Variants in TPD52L2 observed in about 807,000 individuals in gnomAD.
TPD52L2 encodes TPD52 like 2.
TPD52L2 carries 19 observed loss-of-function variants against 24.7 expected under a neutral mutation model. That is an observed-to-expected ratio of 0.77 (90% confidence interval 0.54 to 1.13). The LOEUF is 1.13. Among genes scored for constraint, TPD52L2 ranks in the 50% most tolerant of loss-of-function variants. The pLI is 0.00. For missense variants in TPD52L2, 236 were observed against 250.4 expected, an observed-to-expected ratio of 0.94 and a Z score of 0.39; for synonymous variants, 104 against 100.2, an observed-to-expected ratio of 1.04 and a Z score of -0.23.
chr20:63,876,450 G>A (rs1030329185), intron 4 of TPD52L2, among the ~76,000 whole-genome samples: 1 of 151,912 alleles, frequency 6.6e-6, no homozygotes, highest in Non-Finnish European at 1.5e-5. Context: ...TTGTATGTGT[G>A]TGTCAGTGGT....
In TPD52L2 at chr20:63,889,232, C is replaced by T. The variant is rs769512777; in HGVS notation, c.519C>T (p.Thr173=). 11 of 1,612,628 alleles carry T rather than the reference C, an allele frequency of 6.8e-6. No individual in the cohort carries two copies. Among genetic ancestry groups the T allele is most frequent in the Non-Finnish European group, 9.3e-6 (11 of 1,179,312 alleles). ...TFKSFEDRVG[T]IKSKVVGDRE... Reference sequence around the variant, plus strand: ...AGTCGTTTGAGGACCGAGTTGGGACCATAAAGGTAATTGTACCTGGACTGT... The same window carrying T: ...AGTCGTTTGAGGACCGAGTTGGGACTATAAAGGTAATTGTACCTGGACTGT... Residue 173 remains threonine, a synonymous_variant, in exon 6 of 7, where the codon ACC becomes ACT. Coordinates refer to ENST00000346249, the MANE Select transcript of TPD52L2 (RefSeq NM_003288.4).
intron 2 of TPD52L2, among the ~76,000 whole-genome samples, chr20:63,871,929 C>A (rs373705378): frequency 1.3e-5 from 2 of 151,910 alleles, no homozygotes; most frequent in Admixed American, 1.3e-4. Context: ...CTATCGTACC[C>A]GGCCAAGAAA....
At chr20:63,865,968 G>C (rs1177462667) in intron 1 of TPD52L2, among the ~76,000 whole-genome samples, 1 of 152,194 alleles carries the variant, frequency 6.6e-6, no homozygotes, top group Non-Finnish European at 1.5e-5. Context: ...TTCCAGAACA[G>C]TCTCCCCAGA....
chr20:63,877,156 G>A lies in TPD52L2; in HGVS notation c.374+1281G>A, dbSNP rs1260364176. The A allele has an allele frequency of 5.6e-6, 2 of 356,724 alleles. No homozygotes were observed. Among genetic ancestry groups the A allele is most frequent in the Admixed American group, 3.8e-5 (1 of 26,208 alleles). 22.1% of individuals were successfully genotyped at this position (356,724 alleles called of 1,614,324 possible). A position where few individuals can be genotyped will look rare whatever the true frequency, so the allele number is the denominator to read the frequency against. ...TTCTCCTGCCTCAGCCTCCCCAGTA[G>A]CTGGGACTACAGGCGCCCGCCACCA... On this transcript the variant is annotated intron_variant, in intron 4 of 6. Coordinates refer to ENST00000346249, the MANE Select transcript of TPD52L2 (RefSeq NM_003288.4). This position sits in a 1 kb window ranked among gnomAD's most constrained non-coding sequence, Gnocchi z 4.1.
At chr20:63,872,376 T>TTTTG (rs1031057858) in intron 2 of TPD52L2, among the ~76,000 whole-genome samples, 2 of 152,060 alleles carry the variant, frequency 1.3e-5, no homozygotes, top group Non-Finnish European at 2.9e-5. Context: ...CCTCACTGTT[T>TTTTG]TTTGTTTGTT....
intron 2 of TPD52L2, 125 bp downstream of exon 2, chr20:63,869,566 TGTTCCGACTGATAACGGG>T: frequency 8.4e-7 from 1 of 1,188,112 alleles, no homozygotes. Context: ...CCCTGCTCTG[TGTTCCGACTGATAACGGG>T]GTTCTCTTTG....
Position 63,869,585 on chromosome 20 carries a change from G to C in TPD52L2, c.165+144G>C, listed in dbSNP as rs555204192. The C allele has an allele frequency of 6.7e-6, 7 of 1,037,176 alleles. No homozygotes were observed. The South Asian group carries it at 1.1e-4, about 16-fold the overall frequency. 64.2% of individuals were successfully genotyped at this position (1,037,176 alleles called of 1,614,324 possible). On this transcript the variant is annotated intron_variant, in intron 2 of 6. Transcript: ENST00000346249. Reference sequence around the variant, plus strand: ...GCTCTGTGTTCCGACTGATAACGGGGTTCTCTTTGTATGTGCCCAGCTCCA... The same window carrying C: ...GCTCTGTGTTCCGACTGATAACGGGCTTCTCTTTGTATGTGCCCAGCTCCA...
chr20:63,887,622 C>A, intron 5 of TPD52L2: 1 of 1,612,112 alleles, frequency 6.2e-7, no homozygotes, highest in Non-Finnish European at 8.5e-7. Context: ...TATGCCTGCT[C>A]GCTGCGGCTC....
intron 2 of TPD52L2, among the ~76,000 whole-genome samples, chr20:63,871,329 C>T (rs186728751): frequency 2.7e-4 from 41 of 149,620 alleles, no homozygotes; most frequent in East Asian, 1.0e-3. Flanking sequence ...AAATGCGAGC[C>T]GCTGTACCCA....
At chr20:63,873,881 A>C in intron 3 of TPD52L2, 65 bp downstream of exon 3, 2 of 1,411,662 alleles carry the variant, frequency 1.4e-6, no homozygotes, top group South Asian at 1.6e-5. Flanking sequence ...GTGCCCCGGC[A>C]TGTGGGGGGG....
intron 5 of TPD52L2, among the ~76,000 whole-genome samples, chr20:63,885,551 T>A (rs536098333): frequency 3.2e-4 from 48 of 152,206 alleles, no homozygotes; most frequent in Non-Finnish European, 6.3e-4. Context: ...GTGCGTGTGC[T>A]CCCTCAGCTG....
At chr20:63,886,070 G>A in intron 5 of TPD52L2, 2 of 1,613,260 alleles carry the variant, frequency 1.2e-6, no homozygotes, top group Non-Finnish European at 1.7e-6. Flanking sequence ...CACACCTGTG[G>A]AAGACTTTTC....
intron 2 of TPD52L2, among the ~76,000 whole-genome samples, chr20:63,872,996 C>T (rs373104110): frequency 3.3e-5 from 5 of 149,444 alleles, no homozygotes; most frequent in South Asian, 4.3e-4. Flanking sequence ...TACAGGCATG[C>T]GCCACTGCGC....
At position 63,883,028 on chromosome 20, in the gene TPD52L2, T is replaced by C. The variant is rs568306773; in HGVS notation, c.476+208T>C. ...CCGTTGGCTGCTTTTCTGCCGTTGC[T>C]GTGTTCTTCAGGGAGGGTTGGCTGC... On this transcript the variant is annotated intron_variant, in intron 5 of 6. Transcript: ENST00000346249. 3.9e-5 allele frequency among the ~76,000 whole-genome samples: 6 copies of C among 152,284 alleles called. No individual in the cohort carries two copies. In the South Asian group the frequency reaches 1.0e-3, roughly 26 times the overall value.
Position 63,878,570 on chromosome 20 carries a change from A to G in TPD52L2, c.374+2695A>G, listed in dbSNP as rs951880173. Among the ~76,000 whole-genome samples the G allele has an allele frequency of 2.0e-5, 3 of 152,256 alleles. No homozygotes were observed. The South Asian group carries it at 6.2e-4, about 32-fold the overall frequency. ...TGCTGCAGCCCAACAGTGTGGCCCC[A>G]TATGGGTCTCCCTGGACTAATGGCT... On this transcript the variant is annotated intron_variant, in intron 4 of 6. Transcript: ENST00000346249.
rs955691576 is a variant in TPD52L2 at position 63,891,409 on chromosome 20, G to C, written c.*1464G>C. 22 of 152,552 alleles carry C rather than the reference G, an allele frequency of 1.4e-4. No homozygotes were observed. Among genetic ancestry groups the C allele is most frequent in the African/African-American group, 5.1e-4 (21 of 41,580 alleles). The allele number at this position is 152,552 out of a possible 1,614,324, so 9.4% of individuals were successfully genotyped here. A position where few individuals can be genotyped will look rare whatever the true frequency, so the allele number is the denominator to read the frequency against. ...GGAAGCCCAGCGCTCGGTGCCCTTC[G>C]TCCAGGGTTAAAATCGGCCTGTGGG... On this transcript the variant is annotated 3_prime_UTR_variant, in exon 7 of 7. Coordinates refer to ENST00000346249, the MANE Select transcript of TPD52L2 (RefSeq NM_003288.4). The surrounding 1 kb of genome is among the most constrained non-coding windows in gnomAD (Gnocchi z 4.7).
At chr20:63,876,745 C>G in intron 4 of TPD52L2, 1 of 455,800 alleles carries the variant, frequency 2.2e-6, no homozygotes, top group South Asian at 1.5e-5. Flanking sequence ...CACATGGAGC[C>G]TTTGCGTCTG....
chr20:63,886,013 C>T, intron 5 of TPD52L2: 1 of 1,614,176 alleles, frequency 6.2e-7, no homozygotes, highest in Admixed American at 1.7e-5. Context: ...TGCCACCTTC[C>T]AGGGCTCATC....
At chr20:63,865,495 A>AC (rs2052180098) in intron 1 of TPD52L2, 111 bp downstream of exon 1, 1 of 1,380,242 alleles carries the variant, frequency 7.2e-7, no homozygotes, top group Non-Finnish European at 9.6e-7. Flanking sequence ...CGGTTCACCC[A>AC]CCCCGCGGCC....
Sources: allele counts gnomAD v4.1 joint callset (sites outside exome capture counted in the v4.1 genomes callset), GRCh38; gene constraint gnomAD v4.1.1; non-coding constraint Gnocchi (gnomAD v3.1); transcripts MANE v1.5; gene names NCBI Gene and HGNC (gene_info 2026-07-23, HGNC 2026-07-21).